Variants in VWA8 observed in about 807,000 individuals in gnomAD.
VWA8 encodes the protein von Willebrand factor A domain-containing protein 8.
A neutral mutation model predicts 241.5 loss-of-function variants in VWA8; 221 were observed. That is an observed-to-expected ratio of 0.91 (90% CI 0.82 to 1.02). VWA8 has a LOEUF of 1.02. Ranked by LOEUF, VWA8 falls within the 50% of genes least tolerant of loss-of-function variation. The probability of loss-of-function intolerance (pLI) is 0.00; values close to 1 mark genes in which losing one functional copy is unlikely to be tolerated. For missense variants in VWA8, 2,322 were observed against 2,328.7 expected (o/e 1.00, Z 0.06); for synonymous variants, 852 against 827.1 (o/e 1.03, Z -0.52).
At chr13:41,582,078 C>T (rs138192046) in intron 42 of VWA8, among the ~76,000 whole-genome samples, 5 of 152,242 alleles carry the variant, frequency 3.3e-5, no homozygotes, top group Admixed American at 1.3e-4. Flanking sequence ...AATGATGTTG[C>T]GCTAGTCTTC....
At chr13:41,711,270 T>A (rs984371210) in intron 26 of VWA8, among the ~76,000 whole-genome samples, 5 of 152,168 alleles carry the variant, frequency 3.3e-5, no homozygotes, top group East Asian at 3.8e-4. Flanking sequence ...TGGAAGGACG[T>A]TAAGGACTAT....
intron 3 of VWA8, among the ~76,000 whole-genome samples, chr13:41,908,012 C>T (rs944804451): frequency 3.3e-5 from 5 of 152,158 alleles, no homozygotes; most frequent in African/African-American, 9.7e-5. Flanking sequence ...AATAATTTGA[C>T]AGTATTACTA....
chr13:41,647,673 T>C (rs2044840544), intron 37 of VWA8, among the ~76,000 whole-genome samples: 1 of 152,188 alleles, frequency 6.6e-6, no homozygotes. Flanking sequence ...CATTATTTAC[T>C]GATAAATATA....
At chr13:41,712,566 G>A (rs2045325241) in intron 26 of VWA8, among the ~76,000 whole-genome samples, 1 of 152,160 alleles carries the variant, frequency 6.6e-6, no homozygotes, top group African/African-American at 2.4e-5. Context: ...GAATTTGAAA[G>A]ACAACTCTAA....
At chr13:41,592,727 CAAAA>C (rs34814466) in intron 40 of VWA8, among the ~76,000 whole-genome samples, 1 of 127,200 alleles carries the variant, frequency 7.9e-6, no homozygotes, top group Non-Finnish European at 1.7e-5. Context: ...CTGTTAATTC[CAAAA>C]AAAAAAAAAA....
rs183628971 is a variant in VWA8, at chr13:41,856,925, A to T, written c.1425+8811T>A. Among the ~76,000 whole-genome samples the T allele has an allele frequency of 1.7e-3, 263 of 151,722 alleles. 2 individuals are homozygous for T. The highest frequency in any genetic ancestry group is 5.8e-3 in the African/African-American group (242 of 41,470). On this transcript the variant is annotated intron_variant, in intron 12 of 44. Coordinates refer to ENST00000379310, the MANE Select transcript of VWA8 (RefSeq NM_015058.2). ...ATTCAATCTATTGTCTAAATCATAT[A>T]TTTGTTGGATATCTTTTTTTGTTAG...
intron 2 of VWA8, among the ~76,000 whole-genome samples, chr13:41,930,005 C>G (rs1301975602): frequency 6.6e-6 from 1 of 152,004 alleles, no homozygotes; most frequent in Admixed American, 6.6e-5. Context: ...GGGCTAATAT[C>G]CAAATTTATA....
At chr13:41,869,075 A>T (rs1384150407) in intron 9 of VWA8, among the ~76,000 whole-genome samples, 1 of 152,244 alleles carries the variant, frequency 6.6e-6, no homozygotes, top group East Asian at 1.9e-4. Context: ...AGAAGTTCAT[A>T]GTTTACATTT....
intron 26 of VWA8, among the ~76,000 whole-genome samples, chr13:41,704,445 AT>A (rs1174135432): frequency 1.4e-5 from 2 of 141,394 alleles, no homozygotes; most frequent in East Asian, 2.2e-4. Flanking sequence ...ACAGCAGATA[AT>A]TTTTTTTAAG....
At chr13:41,919,036 C>T (rs1247634690) in intron 2 of VWA8, among the ~76,000 whole-genome samples, 1 of 152,076 alleles carries the variant, frequency 6.6e-6, no homozygotes, top group Non-Finnish European at 1.5e-5. Context: ...AAGTTCCTAG[C>T]ACTCCTCCCC....
intron 9 of VWA8, 139 bp from the exon 10 acceptor site, chr13:41,868,616 G>C (rs1873426654): frequency 9.2e-7 from 1 of 1,083,812 alleles, no homozygotes; most frequent in Non-Finnish European, 1.3e-6. Context: ...CAAGGGCGGT[G>C]GCTCAGGCCT....
intron 2 of VWA8, chr13:41,926,257 AC>A: frequency 1.5e-6 from 1 of 667,886 alleles, no homozygotes; most frequent in Non-Finnish European, 2.8e-6. Flanking sequence ...GGCCTCAAAG[AC>A]CAGGAAACAA....
At chr13:41,816,921 G>T in intron 15 of VWA8, 146 bp from the exon 16 acceptor site, 1 of 651,544 alleles carries the variant, frequency 1.5e-6, no homozygotes, top group Non-Finnish European at 2.6e-6. Context: ...TTTAACTTAT[G>T]GATAAAGTTG....
At chr13:41,569,584 A>C (rs1255288211) in intron 44 of VWA8, among the ~76,000 whole-genome samples, 1 of 152,058 alleles carries the variant, frequency 6.6e-6, no homozygotes, top group African/African-American at 2.4e-5. Flanking sequence ...CCAGTCACAG[A>C]GTATGAAAAG....
chr13:41,600,657 G>A (rs983255188), intron 40 of VWA8, among the ~76,000 whole-genome samples: 7 of 151,948 alleles, frequency 4.6e-5, no homozygotes, highest in East Asian at 1.9e-4. Context: ...TTTAAACATC[G>A]TGCTTGATAT....
At chr13:41,777,289 C>A (rs1396710251) in intron 20 of VWA8, among the ~76,000 whole-genome samples, 1 of 152,050 alleles carries the variant, frequency 6.6e-6, no homozygotes, top group Non-Finnish European at 1.5e-5. Context: ...GCAGGAAAAA[C>A]CTATTCAGCC....
intron 20 of VWA8, among the ~76,000 whole-genome samples, chr13:41,763,308 A>AATAAATAAATAAATAAATAG (rs1555332023): frequency 2.5e-4 from 36 of 145,886 alleles, no homozygotes; most frequent in South Asian, 1.7e-3. Context: ...TAAATAAATA[A>AATAAATAAATAAATAAATAG]ATAGATAGAT....
At chr13:41,908,180 A>C (rs1397305597) in intron 3 of VWA8, among the ~76,000 whole-genome samples, 7 of 152,144 alleles carry the variant, frequency 4.6e-5, no homozygotes, top group Admixed American at 6.6e-5. Flanking sequence ...AAATCCCAAT[A>C]ATCAGCTGGG....
At position 41,692,864 on chromosome 13, in the gene VWA8, C is replaced by G; in HGVS notation, c.3673G>C (p.Ala1225Pro). The G allele has an allele frequency of 1.9e-6, 3 of 1,607,442 alleles. No homozygotes were observed. Among genetic ancestry groups the G allele is most frequent in the Non-Finnish European group, 2.6e-6 (3 of 1,175,832 alleles). Residue 1225 changes from alanine (A) to proline (P), a missense_variant and splice_region_variant, in exon 30 of 45, where the codon GCT becomes CCT. By Grantham distance (27) the Ala-to-Pro change is conservative. Coordinates refer to ENST00000379310, the MANE Select transcript of VWA8 (RefSeq NM_015058.2). ...GGGACAAATGTGGTGTTTCTTACAG[C>G]TTCTTCTTTGTTCCACCAGAAAGGT... ...KKPFWWNKEE[A>P]ETYKMCKEFS... is the part of the protein sequence containing the mutation.
Sources: gnomAD v4.1 joint callset for allele counts (sites outside exome capture counted in the v4.1 genomes callset) on GRCh38, gnomAD v4.1.1 for gene constraint, MANE v1.5 for transcripts, NCBI Gene and HGNC (gene_info 2026-07-23, HGNC 2026-07-21) for gene names.